The following RNASET2 variants were observed in gnomAD, a reference collection of about 807,000 sequenced individuals.
RNASET2 encodes the protein ribonuclease 6.
Under a neutral mutation model 33.9 loss-of-function variants are expected in RNASET2, and 28 were observed. That is an observed-to-expected ratio of 0.83 (90% CI 0.61 to 1.13). RNASET2 has a LOEUF of 1.13. RNASET2 is among the 50% of genes most tolerant of loss of function. The pLI is 0.00. For missense variants in RNASET2, 330 were observed against 319.9 expected (o/e 1.03, Z -0.24); for synonymous variants, 123 against 121.0 (o/e 1.02, Z -0.11).
chr6:166,927,778 A>G lies in RNASET2; in HGVS notation c.*1810T>C, dbSNP rs1778330611. On this transcript the variant is annotated 3_prime_UTR_variant, in exon 9 of 9. Coordinates refer to ENST00000508775, the MANE Select transcript of RNASET2 (RefSeq NM_003730.6). Reference sequence around the variant, plus strand: ...AAGGACTCTGAGGCTTAAGAGTCCAACTCTAAAGTACACCCACTCCCTGAG... The same window carrying G: ...AAGGACTCTGAGGCTTAAGAGTCCAGCTCTAAAGTACACCCACTCCCTGAG... Among the ~76,000 whole-genome samples, 3 of 151,648 alleles carry G rather than the reference A, an allele frequency of 2.0e-5. No individual in the cohort carries two copies. In the South Asian group the frequency reaches 6.3e-4, roughly 32 times the overall value.
At chr6:166,955,183 ACACACGCACACACGCACG>A (rs1162989948) in intron 1 of RNASET2, among the ~76,000 whole-genome samples, 1 of 125,006 alleles carries the variant, frequency 8.0e-6, no homozygotes, top group South Asian at 2.7e-4. Context: ...TGCCACACAC[ACACACGCACACACGCACG>A]CACACACGCA....
rs995962776 is a variant in RNASET2 at position 166,925,114 on chromosome 6, C to T, written c.*4474G>A. 1.3e-5 allele frequency among the ~76,000 whole-genome samples: 2 copies of T among 149,942 alleles called. No individual in the cohort carries two copies. Among genetic ancestry groups the T allele is most frequent in the African/African-American group, 5.0e-5 (2 of 40,008 alleles). On this transcript the variant is annotated 3_prime_UTR_variant, in exon 9 of 9. Coordinates refer to ENST00000508775, the MANE Select transcript of RNASET2 (RefSeq NM_003730.6). ...CGTCTAGCCCAAAACCGGAACAGCA[C>T]AGCCCTCACCTCTGCTGCCCAGGCC...
At chr6:166,947,526 A>G (rs1778877210) in intron 3 of RNASET2, among the ~76,000 whole-genome samples, 1 of 152,192 alleles carries the variant, frequency 6.6e-6, no homozygotes, top group African/African-American at 2.4e-5. Context: ...AGCCTCAGAA[A>G]TGAAACGGCC....
At chr6:166,942,130 G>A (rs990250207) in intron 5 of RNASET2, among the ~76,000 whole-genome samples, 1 of 145,088 alleles carries the variant, frequency 6.9e-6, no homozygotes, top group Non-Finnish European at 1.5e-5. Flanking sequence ...TCGGCTCACT[G>A]CAACCTCCAT....
chr6:166,939,360 T>G (rs1042919567), intron 5 of RNASET2, among the ~76,000 whole-genome samples: 1 of 152,126 alleles, frequency 6.6e-6, no homozygotes, highest in African/African-American at 2.4e-5. Context: ...TGATTCCCAA[T>G]TAAAATGCTC....
intron 2 of RNASET2, among the ~76,000 whole-genome samples, chr6:166,950,951 A>G (rs893489312): frequency 6.6e-6 from 1 of 152,198 alleles, no homozygotes; most frequent in Admixed American, 6.5e-5. Flanking sequence ...ATAAAGACAC[A>G]AGACAAAGAG....
chr6:166,932,115 C>G (rs1377696797), intron 7 of RNASET2: 2 of 152,984 alleles, frequency 1.3e-5, no homozygotes, highest in Non-Finnish European at 2.9e-5. Flanking sequence ...GCAAATGTCA[C>G]TCCTATGGAG....
chr6:166,939,081 C>A, intron 5 of RNASET2, 73 bp from the exon 6 acceptor site: 1 of 1,104,880 alleles, frequency 9.1e-7, no homozygotes, highest in Non-Finnish European at 1.4e-6. Flanking sequence ...TGCCTGTAAT[C>A]CCAACACTTT....
intron 2 of RNASET2, among the ~76,000 whole-genome samples, chr6:166,950,333 C>T (rs1047791825): frequency 5.9e-5 from 9 of 152,180 alleles, no homozygotes; most frequent in East Asian, 1.9e-4. Context: ...GTCCACTGCC[C>T]CAACCCAAGG....
chr6:166,927,831 C>T lies in RNASET2; in HGVS notation c.*1757G>A, dbSNP rs1778331482. ...CGCAGAGCAAATGCAGGAAATCACG[C>T]CCTTCCAGGTGCAAAACAAATCAGA... On this transcript the variant is annotated 3_prime_UTR_variant, in exon 9 of 9. Transcript: ENST00000508775. 6.6e-6 allele frequency among the ~76,000 whole-genome samples: 1 copy of T among 151,922 alleles called. No homozygotes were observed. The highest frequency in any genetic ancestry group is 2.1e-4 in the South Asian group (1 of 4,822).
rs565786364 is a variant in RNASET2 at position 166,927,765 on chromosome 6, G to A, written c.*1823C>T. 6.7e-6 allele frequency among the ~76,000 whole-genome samples: 1 copy of A among 149,154 alleles called. No individual in the cohort carries two copies. Among genetic ancestry groups the A allele is most frequent in the Non-Finnish European group, 1.5e-5 (1 of 67,772 alleles). On this transcript the variant is annotated 3_prime_UTR_variant, in exon 9 of 9. Coordinates refer to ENST00000508775, the MANE Select transcript of RNASET2 (RefSeq NM_003730.6). Reference sequence around the variant, plus strand: ...TTGACATCATTTAAAGGACTCTGAGGCTTAAGAGTCCAACTCTAAAGTACA... The same window carrying A: ...TTGACATCATTTAAAGGACTCTGAGACTTAAGAGTCCAACTCTAAAGTACA...
At position 166,943,131 on chromosome 6, in the gene RNASET2, T is replaced by C. The variant is rs184518970; in HGVS notation, c.262-42A>G. On this transcript the variant is annotated intron_variant, in intron 4 of 8. Transcript: ENST00000508775. ...AAAATAAGTCTACGCAGGTTCTTAA[T>C]AATAAACTCAAAACCTAGAAGGTAA... The C allele has an allele frequency of 8.1e-5, 119 of 1,462,438 alleles. No homozygotes were observed. The Admixed American group carries it at 2.1e-3, about 25-fold the overall frequency. The allele number at this position is 1,462,438 out of a possible 1,614,324, so 90.6% of individuals were successfully genotyped here.
chr6:166,939,477 C>T (rs1177441841), intron 5 of RNASET2, among the ~76,000 whole-genome samples: 6 of 152,232 alleles, frequency 3.9e-5, no homozygotes, highest in African/African-American at 1.4e-4. Context: ...GCAATTATTT[C>T]AATCCCCCAC....
intron 4 of RNASET2, among the ~76,000 whole-genome samples, chr6:166,946,078 TGA>T (rs940262534): frequency 3.6e-4 from 55 of 152,262 alleles, no homozygotes; most frequent in African/African-American, 1.0e-3. Context: ...GGCGTGTGTG[TGA>T]GTGAAGACTC....
chr6:166,955,122 G>T (rs1779075270), intron 1 of RNASET2, among the ~76,000 whole-genome samples: 1 of 152,054 alleles, frequency 6.6e-6, no homozygotes, highest in Admixed American at 6.5e-5. Flanking sequence ...CAGAATTAAA[G>T]TTGGAGTTCT....
chr6:166,925,294 T>G lies in RNASET2; in HGVS notation c.*4294A>C, dbSNP rs1193007318. Among the ~76,000 whole-genome samples the G allele has an allele frequency of 6.7e-6, 1 of 149,210 alleles. No individual in the cohort carries two copies. Among genetic ancestry groups the G allele is most frequent in the South Asian group, 2.1e-4 (1 of 4,660 alleles). On this transcript the variant is annotated 3_prime_UTR_variant, in exon 9 of 9. Transcript: ENST00000508775. ...CTGCCCAGGCCTCATCTATGCCACT[T>G]AGCCCTCACCCATGCCATCTAGCCC...
Position 166,956,509 on chromosome 6 carries a change from G to A in RNASET2, c.-327C>T. 1 of 384,722 alleles carries A rather than the reference G, an allele frequency of 2.6e-6. No individual in the cohort carries two copies. Among genetic ancestry groups the A allele is most frequent in the Non-Finnish European group, 4.8e-6 (1 of 210,110 alleles). The allele number at this position is 384,722 out of a possible 1,614,324, so 23.8% of individuals were successfully genotyped here. A position where few individuals can be genotyped will look rare whatever the true frequency, so the allele number is the denominator to read the frequency against. On this transcript the variant is annotated 5_prime_UTR_variant, in exon 1 of 9. Transcript: ENST00000508775. ...ACAGCGACCCCAGCTCCTCCACGCT[G>A]CAGCCGCCGTCCGCCCACGACCACG... is the stretch of plus-strand genomic sequence containing the variant.
intron 6 of RNASET2, among the ~76,000 whole-genome samples, chr6:166,936,454 G>A (rs1362723263): frequency 6.6e-6 from 1 of 152,126 alleles, no homozygotes; most frequent in East Asian, 1.9e-4. Context: ...TTTGGCTCAG[G>A]GGTCTGCAGG....
At chr6:166,950,928 A>G (rs999787000) in intron 2 of RNASET2, among the ~76,000 whole-genome samples, 5 of 152,180 alleles carry the variant, frequency 3.3e-5, no homozygotes, top group Non-Finnish European at 5.9e-5. Context: ...TGTGGAGACG[A>G]GAGATTGTAG....
Sources: gnomAD v4.1 joint callset for allele counts (sites outside exome capture counted in the v4.1 genomes callset) on GRCh38, gnomAD v4.1.1 for gene constraint, MANE v1.5 for transcripts, NCBI Gene and HGNC (gene_info 2026-07-23, HGNC 2026-07-21) for gene names.